IMMP2L: variants seen among roughly 807,000 people sequenced by gnomAD.
IMMP2L encodes mitochondrial inner membrane protease subunit 2.
In IMMP2L, 18 loss-of-function variants were observed where a neutral mutation model predicts 19.3. The observed-to-expected ratio is 0.93, with a 90% CI of 0.64 to 1.38. IMMP2L has a LOEUF of 1.38. Among genes scored for constraint, IMMP2L ranks in the 40% most tolerant of loss-of-function variants. The probability of loss-of-function intolerance (pLI) is 0.00; values close to 1 mark genes in which losing one functional copy is unlikely to be tolerated. For synonymous variants in IMMP2L, 76 were observed against 73.0 expected (o/e 1.04, Z -0.21); for missense variants, 233 against 218.2 (o/e 1.07, Z -0.43).
At chr7:111,504,414 T>C (rs1844653036) in intron 2 of IMMP2L, among the ~76,000 whole-genome samples, 1 of 151,488 alleles carries the variant, frequency 6.6e-6, no homozygotes, top group Non-Finnish European at 1.5e-5. Flanking sequence ...ATTTATAGAT[T>C]CAATGCCATC....
chr7:111,214,064 A>C lies in IMMP2L; in HGVS notation c.240-250499T>G, dbSNP rs114979229. 5.1e-3 allele frequency among the ~76,000 whole-genome samples: 769 copies of C among 152,258 alleles called. 9 individuals carry two copies. The highest frequency in any genetic ancestry group is 0.018 in the African/African-American group (742 of 41,542). ...ATTTTTAATACACAATAAATCAATT[A>C]AATAGGCAGGTAATGATTTTATCTT... On this transcript the variant is annotated intron_variant, in intron 3 of 5. Transcript: ENST00000405709.
Position 110,925,178 on chromosome 7 carries a change from C to T in IMMP2L, c.305+38322G>A, listed in dbSNP as rs1241873939. ...TATGGATATAGAAATATGGATATAGCTTTTATATTTCTATACGGATATACT... is the reference window on the plus strand; with the variant it reads ...TATGGATATAGAAATATGGATATAGTTTTTATATTTCTATACGGATATACT... On this transcript the variant is annotated intron_variant, in intron 4 of 5. Coordinates refer to ENST00000405709, the MANE Select transcript of IMMP2L (RefSeq NM_032549.4). Among the ~76,000 whole-genome samples, 9 of 152,136 alleles carry T rather than the reference C, an allele frequency of 5.9e-5. No homozygotes were observed. The South Asian group carries it at 1.9e-3, about 32-fold the overall frequency.
intron 4 of IMMP2L, among the ~76,000 whole-genome samples, chr7:110,946,089 A>G (rs116482349): frequency 0.01 from 1,582 of 152,306 alleles, 29 homozygotes; most frequent in African/African-American, 0.036. Flanking sequence ...ATACGAAAAC[A>G]GGTTCTCAAA....
At chr7:110,825,191 T>C (rs757637327) in intron 5 of IMMP2L, among the ~76,000 whole-genome samples, 41 of 151,966 alleles carry the variant, frequency 2.7e-4, no homozygotes, top group Non-Finnish European at 5.4e-4. Flanking sequence ...AAAAGAGGAC[T>C]CAAACAAATG....
At chr7:111,254,512 CA>C (rs1428530848) in intron 3 of IMMP2L, among the ~76,000 whole-genome samples, 1 of 152,042 alleles carries the variant, frequency 6.6e-6, no homozygotes, top group African/African-American at 2.4e-5. Context: ...ATATTGTACT[CA>C]AAGTGCTGTT....
At chr7:111,226,461 C>A (rs1181257125) in intron 3 of IMMP2L, among the ~76,000 whole-genome samples, 2 of 152,178 alleles carry the variant, frequency 1.3e-5, no homozygotes, top group East Asian at 1.9e-4. Flanking sequence ...AGCCACCATG[C>A]CTGGCTGTTT....
chr7:111,281,102 G>A (rs79941315), intron 3 of IMMP2L, among the ~76,000 whole-genome samples: 1 of 56,438 alleles, frequency 1.8e-5, no homozygotes, highest in Non-Finnish European at 3.0e-5. Context: ...GAGAAAGAGA[G>A]AAAGAGAGAA....
chr7:111,192,223 GATT>G (rs1283637191), intron 3 of IMMP2L, among the ~76,000 whole-genome samples: 1 of 152,002 alleles, frequency 6.6e-6, no homozygotes, highest in Non-Finnish European at 1.5e-5. Context: ...GCCCTGAAAA[GATT>G]ATGAGATTAT....
chr7:111,009,986 C>T (rs1380331591), intron 3 of IMMP2L, among the ~76,000 whole-genome samples: 1 of 152,116 alleles, frequency 6.6e-6, no homozygotes, highest in Admixed American at 6.6e-5. Flanking sequence ...GTGTCAGTGT[C>T]CCTGCTACTA....
intron 4 of IMMP2L, among the ~76,000 whole-genome samples, chr7:110,948,985 T>A (rs1817524534): frequency 6.6e-6 from 1 of 152,108 alleles, no homozygotes; most frequent in Non-Finnish European, 1.5e-5. Context: ...CCCCACAACT[T>A]ACACCACTGC....
chr7:110,726,663 G>A (rs1795903619), intron 5 of IMMP2L, among the ~76,000 whole-genome samples: 1 of 152,124 alleles, frequency 6.6e-6, no homozygotes, highest in African/African-American at 2.4e-5. Context: ...CTCAGCGTGG[G>A]GAAAGAAACT....
intron 3 of IMMP2L, among the ~76,000 whole-genome samples, chr7:111,370,592 TA>T (rs1830177969): frequency 6.6e-6 from 1 of 152,036 alleles, no homozygotes; most frequent in South Asian, 2.1e-4. Context: ...CAAATAACCA[TA>T]AATATTAACA....
At chr7:111,471,520 A>G (rs1162932290) in intron 3 of IMMP2L, among the ~76,000 whole-genome samples, 1 of 152,142 alleles carries the variant, frequency 6.6e-6, no homozygotes. Context: ...GTGCCAAATG[A>G]AACCAACACC....
chr7:110,687,169 C>T (rs77372560), intron 5 of IMMP2L, among the ~76,000 whole-genome samples: 3,990 of 151,994 alleles, frequency 0.026, 173 homozygotes, highest in African/African-American at 0.092. Context: ...ACATTTTGCC[C>T]CCTATTCCTG....
intron 3 of IMMP2L, among the ~76,000 whole-genome samples, chr7:111,051,833 A>G (rs1793032939): frequency 6.6e-6 from 1 of 152,242 alleles, no homozygotes; most frequent in African/African-American, 2.4e-5. Flanking sequence ...TGACAAGAAC[A>G]TTGGTGATAC....
intron 3 of IMMP2L, among the ~76,000 whole-genome samples, chr7:111,304,797 A>C (rs1268497949): frequency 6.6e-6 from 1 of 151,524 alleles, no homozygotes; most frequent in Non-Finnish European, 1.5e-5. Context: ...TTACTTTAAA[A>C]AATATATAAT....
intron 3 of IMMP2L, among the ~76,000 whole-genome samples, chr7:111,045,557 C>A (rs768171873): frequency 6.6e-6 from 1 of 152,132 alleles, no homozygotes; most frequent in Non-Finnish European, 1.5e-5. Context: ...AGACCTTGAC[C>A]ATCTCTCTAA....
chr7:111,357,265 G>T (rs1828810921), intron 3 of IMMP2L, among the ~76,000 whole-genome samples: 1 of 152,102 alleles, frequency 6.6e-6, no homozygotes, highest in Non-Finnish European at 1.5e-5. Flanking sequence ...ATGCAGCAAT[G>T]ATCCCTTAGA....
At chr7:111,268,453 G>A (rs573952790) in intron 3 of IMMP2L, among the ~76,000 whole-genome samples, 29 of 145,568 alleles carry the variant, frequency 2.0e-4, no homozygotes, top group Non-Finnish European at 3.4e-4. Context: ...AAACTTGCTG[G>A]GTTTCAAAAA....
Sources: allele counts gnomAD v4.1 joint callset (sites outside exome capture counted in the v4.1 genomes callset), GRCh38; gene constraint gnomAD v4.1.1; transcripts MANE v1.5; gene names NCBI Gene and HGNC (gene_info 2026-07-23, HGNC 2026-07-21).